TAF1C: variants seen among roughly 807,000 people sequenced by gnomAD.
The protein encoded by TAF1C is TATA-box binding protein associated factor, RNA polymerase I subunit C.
TAF1C carries 79 observed loss-of-function variants against 70.5 expected under a neutral mutation model. The ratio of observed to expected loss-of-function variants is 1.12; its 90% CI spans 0.93 to 1.35. The LOEUF (loss-of-function observed/expected upper bound fraction) is 1.35. Ranked by LOEUF, TAF1C falls within the 40% of genes most tolerant of loss-of-function variation. The pLI is 0.00. For missense variants in TAF1C, 1,412 were observed against 1,127.8 expected (o/e 1.25, Z -3.61); for synonymous variants, 614 against 491.1 (o/e 1.25, Z -3.31).
At chr16:84,180,894 T>C (rs1174706069) in intron 12 of TAF1C, 149 bp downstream of exon 12, 24 of 1,432,688 alleles carry the variant, frequency 1.7e-5, no homozygotes, top group Non-Finnish European at 4.6e-6. Context: ...TGGGATCCAC[T>C]GCGTGTTTGG....
rs2089264126 is a variant in TAF1C at position 84,182,537 on chromosome 16, T to C, written c.483-97A>G. Reference sequence around the variant, plus strand: ...CCAAGTGCAGTGGACACATTTCTTATTTACCTAGAATTTCTTCCTTTGGGA... The same window carrying C: ...CCAAGTGCAGTGGACACATTTCTTACTTACCTAGAATTTCTTCCTTTGGGA... On this transcript the variant is annotated intron_variant, in intron 6 of 14. Coordinates refer to ENST00000566732, the MANE Select transcript of TAF1C (RefSeq NM_001243156.2). The surrounding 1 kb of genome is among the most constrained non-coding windows in gnomAD (Gnocchi z 5.0). 2 of 1,170,536 alleles carry C rather than the reference T, an allele frequency of 1.7e-6. No individual in the cohort carries two copies. Among genetic ancestry groups the C allele is most frequent in the South Asian group, 1.5e-5 (1 of 64,558 alleles). The allele number at this position is 1,170,536 out of a possible 1,614,324, so 72.5% of individuals were successfully genotyped here.
At position 84,183,280 on chromosome 16, in the gene TAF1C, C is replaced by T; in HGVS notation, c.372G>A (p.Lys124=). 1 of 1,614,030 alleles carries T rather than the reference C, an allele frequency of 6.2e-7. No homozygotes were observed. Among genetic ancestry groups the T allele is most frequent in the South Asian group, 1.1e-5 (1 of 91,086 alleles). ...CCAGCTTGAAATTCTCCAGCATCAG[C>T]TTCCCCAGGGGCGCAAAGGCTACGT... ...HGDVAFAPLG[K]LMLENFKLEG... Residue 124 remains lysine, a synonymous_variant, in exon 5 of 15, where the codon AAG becomes AAA. Transcript: ENST00000566732.
intron 1 of TAF1C, 119 bp from the exon 2 acceptor site, chr16:84,185,179 G>T: frequency 1.7e-6 from 1 of 596,248 alleles, no homozygotes. Flanking sequence ...CCAACCACCC[G>T]TCCAGGAGAA....
Position 84,179,066 on chromosome 16 carries a change from G to A in TAF1C, c.2407C>T (p.Pro803Ser), listed in dbSNP as rs771505804. ...TGGGGAGGTGTGGTGGCACAGCCTG[G>A]GGTGTCCCTCTGGGGTGGTAGCTTG... ...MAKLPPQRDT[P>S]GCATTPPHSQ... The change falls in exon 15 of 15, where the codon CCA becomes TCA. Residue 803 changes from proline (P) to serine (S), a missense_variant. By Grantham distance (74) the Pro-to-Ser change is moderately conservative. Coordinates refer to ENST00000566732, the MANE Select transcript of TAF1C (RefSeq NM_001243156.2). The A allele has an allele frequency of 1.2e-6, 2 of 1,610,998 alleles. No individual in the cohort carries two copies. Among genetic ancestry groups the A allele is most frequent in the South Asian group, 1.1e-5 (1 of 90,906 alleles).
rs528091059 is a variant in TAF1C at position 84,184,922 on chromosome 16, G to A, written c.67C>T (p.Pro23Ser). Residue 23 changes from proline (P) to serine (S), a missense_variant, in exon 2 of 15, where the codon CCT becomes TCT. Transcript: ENST00000566732. ...LTGPLGLSDV[P>S]DLSFMCSWRD... ...CAGCTGCACATGAAAGAGAGGTCAG[G>A]GACGTCGCTCAGACCAAGGGGGCCG... 6.2e-7 allele frequency: 1 copy of A among 1,613,734 alleles called. No individual in the cohort carries two copies. The highest frequency in any genetic ancestry group is 1.3e-5 in the African/African-American group (1 of 75,020).
At chr16:84,183,033 CA>C in intron 6 of TAF1C, 42 bp downstream of exon 6, 3 of 1,603,884 alleles carry the variant, frequency 1.9e-6, no homozygotes, top group Non-Finnish European at 2.6e-6. Context: ...TCCCCACCAC[CA>C]GCTATGCCTA....
At chr16:84,184,565 G>C (rs568719888) in intron 2 of TAF1C, among the ~76,000 whole-genome samples, 1 of 152,294 alleles carries the variant, frequency 6.6e-6, no homozygotes, top group East Asian at 1.9e-4. Flanking sequence ...AAGTTCACTT[G>C]TTTATTCTCG....
In TAF1C at chr16:84,178,814, C is replaced by G. The variant is rs564161740; in HGVS notation, c.*127G>C. The G allele has an allele frequency of 5.1e-4, 543 of 1,056,438 alleles. 1 individual carries two copies. The highest frequency in any genetic ancestry group is 1.9e-3 in the South Asian group (114 of 60,266). The allele number at this position is 1,056,438 out of a possible 1,614,324, so 65.4% of individuals were successfully genotyped here. ...CAACTTGGCTCCAAATTGCTTGGCT[C>G]ATCATCACAGTGGCCTCCAGAAGGT... On this transcript the variant is annotated 3_prime_UTR_variant, in exon 15 of 15. Coordinates refer to ENST00000566732, the MANE Select transcript of TAF1C (RefSeq NM_001243156.2).
intron 5 of TAF1C, 38 bp from the exon 6 acceptor site, chr16:84,183,187 A>C: frequency 6.2e-7 from 1 of 1,613,890 alleles, no homozygotes; most frequent in Middle Eastern, 1.6e-4. Flanking sequence ...CACACCCTCG[A>C]GTTCACCCCT....
chr16:84,185,050 C>T lies in TAF1C; in HGVS notation c.-62G>A. On this transcript the variant is annotated 5_prime_UTR_variant, in exon 2 of 15. Coordinates refer to ENST00000566732, the MANE Select transcript of TAF1C (RefSeq NM_001243156.2). Reference sequence around the variant, plus strand: ...CGAGAGACTGGAAGCTGGTAAGGGGCGCCAGAGTTCCTGAGGAGTGAAAAG... The same window carrying T: ...CGAGAGACTGGAAGCTGGTAAGGGGTGCCAGAGTTCCTGAGGAGTGAAAAG... 8 of 1,568,366 alleles carry T rather than the reference C, an allele frequency of 5.1e-6. No homozygotes were observed. Among genetic ancestry groups the T allele is most frequent in the East Asian group, 2.3e-5 (1 of 43,776 alleles).
In TAF1C at chr16:84,181,690, G is replaced by A. The variant is rs528264397; in HGVS notation, c.957-27C>T. ...TACAGGGCAGGAATGCATTCACATC[G>A]GGCTGCTCAGCCCTGCCTCCAGCCC... On this transcript the variant is annotated intron_variant, in intron 9 of 14. Coordinates refer to ENST00000566732, the MANE Select transcript of TAF1C (RefSeq NM_001243156.2). 85 of 1,613,844 alleles carry A rather than the reference G, an allele frequency of 5.3e-5. No homozygotes were observed. In the South Asian group the frequency reaches 7.0e-4, roughly 13 times the overall value.
chr16:84,179,410 T>C lies in TAF1C; in HGVS notation c.2063A>G (p.Glu688Gly). The C allele has an allele frequency of 1.3e-6, 2 of 1,597,982 alleles. No homozygotes were observed. Among genetic ancestry groups the C allele is most frequent in the Admixed American group, 3.3e-5 (2 of 59,888 alleles). Reference sequence around the variant, plus strand: ...CCCCAGGCGCTCACTGAGCTTGTCCTCTAGGCCTGACTCGGGTGCAGGGGG... The same window carrying C: ...CCCCAGGCGCTCACTGAGCTTGTCCCCTAGGCCTGACTCGGGTGCAGGGGG... ...EPPPAPESGL[E>G]DKLSERLGEA... Residue 688 changes from glutamate to glycine, a missense_variant, in exon 15 of 15, where the codon GAG becomes GGG. Physicochemically the swap from Glu to Gly is moderately conservative, Grantham distance 98. Coordinates refer to ENST00000566732, the MANE Select transcript of TAF1C (RefSeq NM_001243156.2).
rs535652739 is a variant in TAF1C, at chr16:84,181,841, G to C, written c.861C>G (p.Asp287Glu). 1.2e-6 allele frequency: 2 copies of C among 1,614,222 alleles called. No homozygotes were observed. Among genetic ancestry groups the C allele is most frequent in the Admixed American group, 1.7e-5 (1 of 60,026 alleles). Residue 287 changes from aspartate (D) to glutamate (E), a missense_variant, in exon 9 of 15, where the codon GAC becomes GAG. Physicochemically the swap from Asp to Glu is conservative, Grantham distance 45. Transcript: ENST00000566732. ...CAAACTTCCACACGGCACAGTGGTA[G>C]TCAGAGCGGACGGCCAGCAGAGCTG... Reference protein sequence around the residue: ...QGETLLAVRSDYHCAVWKFGK... With the variant: ...QGETLLAVRSEYHCAVWKFGK...
rs942992695 is a variant in TAF1C at position 84,179,561 on chromosome 16, G to C, written c.1912C>G (p.Leu638Val). ...TCCCTCCGCAGCTCTGTGCTGCCCAGCATCTGGCGGTGGGTGAAGGTGGGT... is the reference window on the plus strand; with the variant it reads ...TCCCTCCGCAGCTCTGTGCTGCCCACCATCTGGCGGTGGGTGAAGGTGGGT... ...TAPTFTHRQM[L>V]GSTELRREEE... Residue 638 changes from leucine to valine, a missense_variant, in exon 15 of 15, where the codon CTG becomes GTG. Transcript: ENST00000566732. 1.2e-6 allele frequency: 2 copies of C among 1,612,510 alleles called. No homozygotes were observed. The highest frequency in any genetic ancestry group is 8.5e-7 in the Non-Finnish European group (1 of 1,179,860).
At chr16:84,181,714 C>A (rs748548641) in intron 9 of TAF1C, 32 bp downstream of exon 9, 1 of 1,613,804 alleles carries the variant, frequency 6.2e-7, no homozygotes, top group South Asian at 1.1e-5. Flanking sequence ...TGCCTCCAGC[C>A]CCTCCTCACC....
In TAF1C at chr16:84,181,076, G is replaced by A; in HGVS notation, c.1275C>T (p.Cys425=). 1 of 1,612,140 alleles carries A rather than the reference G, an allele frequency of 6.2e-7. No homozygotes were observed. The highest frequency in any genetic ancestry group is 8.5e-7 in the Non-Finnish European group (1 of 1,178,494). Residue 425 remains cysteine (C), a synonymous_variant, in exon 12 of 15, where the codon TGC becomes TGT. Coordinates refer to ENST00000566732, the MANE Select transcript of TAF1C (RefSeq NM_001243156.2). ...AGACGAGATGAAGAGTAGGGGGGAGGCATTTGGGGCTGGAGTGCCCCAGGT... is the reference window on the plus strand; with the variant it reads ...AGACGAGATGAAGAGTAGGGGGGAGACATTTGGGGCTGGAGTGCCCCAGGT... The part of the protein sequence containing the change: ...TQYLGHSSPK[C]LPPTLHLVCT...
intron 12 of TAF1C, 43 bp from the exon 13 acceptor site, chr16:84,180,387 C>T (rs1299156503): frequency 2.6e-6 from 4 of 1,525,518 alleles, no homozygotes; most frequent in Non-Finnish European, 2.6e-6. Flanking sequence ...AACTTGGGAG[C>T]TGAGCTGTGT....
chr16:84,181,055 G>A lies in TAF1C; in HGVS notation c.1296C>T (p.Leu432=), dbSNP rs752389176. The change falls in exon 12 of 15, where the codon CTC becomes CTT. Residue 432 remains leucine, a synonymous_variant. Coordinates refer to ENST00000566732, the MANE Select transcript of TAF1C (RefSeq NM_001243156.2). ...SPKCLPPTLH[L]VCTQFSLYLV... The stretch of plus-strand genomic sequence containing the variant: ...GTGTGCCACTCACCTGGGTACAGAC[G>A]AGATGAAGAGTAGGGGGGAGGCATT... The A allele has an allele frequency of 3.4e-5, 54 of 1,609,426 alleles. No individual in the cohort carries two copies. Among genetic ancestry groups the A allele is most frequent in the Admixed American group, 8.3e-5 (5 of 59,882 alleles).
Position 84,182,448 on chromosome 16 carries a change from C to G in TAF1C, c.483-8G>C, listed in dbSNP as rs1423289702. 1 of 1,595,882 alleles carries G rather than the reference C, an allele frequency of 6.3e-7. No homozygotes were observed. Among genetic ancestry groups the G allele is most frequent in the Admixed American group, 1.7e-5 (1 of 58,672 alleles). On this transcript the variant is annotated splice_polypyrimidine_tract_variant and splice_region_variant and intron_variant, in intron 6 of 14. Transcript: ENST00000566732. The surrounding 1 kb of genome is among the most constrained non-coding windows in gnomAD (Gnocchi z 5.0). ...AGGTAAGCCCAGGGACACCTGGGGA[C>G]CAGAGAACAGCAGGAGGATCACTCG...
Sources: allele counts gnomAD v4.1 joint callset (sites outside exome capture counted in the v4.1 genomes callset), GRCh38; gene constraint gnomAD v4.1.1; non-coding constraint Gnocchi (gnomAD v3.1); transcripts MANE v1.5; gene names NCBI Gene and HGNC (gene_info 2026-07-23, HGNC 2026-07-21).